The following GDPD4 variants were observed in gnomAD, a reference collection of about 807,000 sequenced individuals.
GDPD4 encodes the protein glycerophosphodiester phosphodiesterase 6.
Under a neutral mutation model 67.8 loss-of-function variants are expected in GDPD4, and 60 were observed. The observed-to-expected ratio is 0.88, with a 90% CI of 0.72 to 1.10. The LOEUF is 1.10. Among genes scored for constraint, GDPD4 ranks in the 50% least tolerant of loss-of-function variants. GDPD4 has a pLI of 0.00. For synonymous variants in GDPD4, 212 were observed against 210.9 expected (o/e 1.00, Z -0.04); for missense variants, 623 against 613.9 (o/e 1.01, Z -0.16).
chr11:77,231,843 G>C (rs1055036760), intron 14 of GDPD4, among the ~76,000 whole-genome samples: 11 of 152,124 alleles, frequency 7.2e-5, no homozygotes, highest in Admixed American at 7.2e-4. Context: ...GGGTGGAAAG[G>C]CTCCACCTGT....
chr11:77,235,899 T>A (rs2135834491), intron 13 of GDPD4, among the ~76,000 whole-genome samples: 1 of 149,568 alleles, frequency 6.7e-6, no homozygotes, highest in African/African-American at 2.5e-5. Context: ...GAGACTACAG[T>A]GAACAATGAT....
At chr11:77,256,899 C>T (rs1212830576) in intron 11 of GDPD4, among the ~76,000 whole-genome samples, 1 of 152,166 alleles carries the variant, frequency 6.6e-6, no homozygotes, top group Non-Finnish European at 1.5e-5. Flanking sequence ...AACCTCTTTT[C>T]TTTTTAAATT....
chr11:77,227,939 T>C (rs775602603), intron 15 of GDPD4, 23 bp from the exon 16 acceptor site: 2 of 1,551,634 alleles, frequency 1.3e-6, no homozygotes, highest in Non-Finnish European at 1.8e-6. Context: ...AGACCATCCA[T>C]GAAATGAAGG....
chr11:77,254,475 T>C (rs56275020), intron 11 of GDPD4, among the ~76,000 whole-genome samples: 2,779 of 152,300 alleles, frequency 0.018, 97 homozygotes, highest in African/African-American at 0.063. Context: ...TTTATTGTTT[T>C]GGCTGTCTTT....
Position 77,271,348 on chromosome 11 carries a change from T to C in GDPD4, c.253A>G (p.Ile85Val), listed in dbSNP as rs1427579073. The part of the protein sequence containing the change: ...VILLCVILMF[I>V]ICKFWKERWL... ...CTTTCTTTCCAGAATTTGCATATAA[T>C]GAACATTAAAATGACACACAGAAGA... Residue 85 changes from isoleucine to valine, a missense_variant, in exon 6 of 17, where the codon ATT (isoleucine) becomes GTT (valine). Physicochemically the swap from Ile to Val is conservative, Grantham distance 29 (BLOSUM62 3). Coordinates refer to ENST00000315938, the MANE Select transcript of GDPD4 (RefSeq NM_182833.3). 5 of 1,613,910 alleles carry C rather than the reference T, an allele frequency of 3.1e-6. No homozygotes were observed. Among genetic ancestry groups the C allele is most frequent in the Non-Finnish European group, 4.2e-6 (5 of 1,179,836 alleles).
At chr11:77,274,278 T>G (rs775022697) in intron 5 of GDPD4, among the ~76,000 whole-genome samples, 2 of 152,250 alleles carry the variant, frequency 1.3e-5, no homozygotes, top group African/African-American at 2.4e-5. Flanking sequence ...TTCATACTTC[T>G]CATTTGAATA....
intron 16 of GDPD4, among the ~76,000 whole-genome samples, chr11:77,220,719 T>C (rs1489054711): frequency 6.6e-6 from 1 of 152,218 alleles, no homozygotes. Flanking sequence ...GCTGGCCTCA[T>C]AAAATGAGTG....
intron 16 of GDPD4, among the ~76,000 whole-genome samples, chr11:77,219,946 T>C (rs1195553954): frequency 1.3e-5 from 2 of 152,212 alleles, no homozygotes; most frequent in East Asian, 1.9e-4. Context: ...TTGTCTGTTA[T>C]TGGTGTATAG....
At chr11:77,277,981 A>G (rs11237159) in intron 4 of GDPD4, among the ~76,000 whole-genome samples, 51,589 of 151,116 alleles carry the variant, frequency 0.34, 9,021 homozygotes, top group Admixed American at 0.46. Flanking sequence ...TTCTGCCTTC[A>G]TTTCGTTATG....
At chr11:77,272,078 C>G (rs1317183003) in intron 5 of GDPD4, among the ~76,000 whole-genome samples, 1 of 152,188 alleles carries the variant, frequency 6.6e-6, no homozygotes, top group Non-Finnish European at 1.5e-5. Flanking sequence ...CTAGACAGTA[C>G]TTAGCTCTCC....
intron 4 of GDPD4, among the ~76,000 whole-genome samples, chr11:77,278,612 G>A (rs1352645688): frequency 1.3e-5 from 2 of 152,174 alleles, no homozygotes; most frequent in Admixed American, 6.5e-5. Context: ...CAACATATTT[G>A]GGGGCTAGGT....
At chr11:77,278,950 T>G (rs1028226307) in intron 4 of GDPD4, among the ~76,000 whole-genome samples, 2 of 152,176 alleles carry the variant, frequency 1.3e-5, no homozygotes, top group Non-Finnish European at 2.9e-5. Flanking sequence ...AGATGGGACA[T>G]GAGATGAGTA....
chr11:77,281,058 T>C (rs752316481), intron 3 of GDPD4, among the ~76,000 whole-genome samples: 1 of 152,220 alleles, frequency 6.6e-6, no homozygotes, highest in African/African-American at 2.4e-5. Context: ...CTCTGGACCA[T>C]TGTGTTACAT....
intron 11 of GDPD4, among the ~76,000 whole-genome samples, chr11:77,248,663 C>T (rs1444846388): frequency 2.0e-5 from 3 of 152,054 alleles, no homozygotes; most frequent in Non-Finnish European, 2.9e-5. Context: ...ACTTTGAGAC[C>T]ATTGTCAGAA....
intron 16 of GDPD4, among the ~76,000 whole-genome samples, chr11:77,219,283 C>T (rs988133015): frequency 6.6e-6 from 1 of 152,262 alleles, no homozygotes; most frequent in Admixed American, 6.5e-5. Flanking sequence ...CAGGTATTAG[C>T]CCTTTGTTAG....
intron 10 of GDPD4, among the ~76,000 whole-genome samples, chr11:77,265,540 C>T (rs1444109968): frequency 1.3e-5 from 2 of 152,092 alleles, no homozygotes; most frequent in African/African-American, 4.8e-5. Context: ...CCTATATACC[C>T]TTAGCCCATT....
intron 1 of GDPD4, among the ~76,000 whole-genome samples, chr11:77,300,614 T>C (rs1026394928): frequency 1.3e-5 from 2 of 152,196 alleles, no homozygotes; most frequent in African/African-American, 2.4e-5. Flanking sequence ...TCTTAACATT[T>C]ATAGAACACT....
chr11:77,275,608 CT>C (rs1281033735), intron 5 of GDPD4, among the ~76,000 whole-genome samples: 1 of 152,184 alleles, frequency 6.6e-6, no homozygotes, highest in Admixed American at 6.5e-5. Context: ...TTTCTCCCCT[CT>C]CCTTGTGAGA....
chr11:77,272,200 A>G (rs140497408), intron 5 of GDPD4, among the ~76,000 whole-genome samples: 72 of 152,364 alleles, frequency 4.7e-4, no homozygotes, highest in African/African-American at 1.7e-3. Context: ...AATATTTCCA[A>G]TCTTTAACAA....
Sources: allele counts gnomAD v4.1 joint callset (sites outside exome capture counted in the v4.1 genomes callset), GRCh38; gene constraint gnomAD v4.1.1; transcripts MANE v1.5; gene names NCBI Gene and HGNC (gene_info 2026-07-23, HGNC 2026-07-21).